Variants in ALPL observed in about 807,000 individuals in gnomAD.
ALPL encodes the protein alkaline phosphatase, tissue-nonspecific isozyme.
Under a neutral mutation model 51.3 loss-of-function variants are expected in ALPL, and 42 were observed. The observed-to-expected ratio is 0.82, with a 90% CI of 0.64 to 1.06. ALPL has a LOEUF of 1.06. Among genes scored for constraint, ALPL ranks in the 50% least tolerant of loss-of-function variants. The pLI is 0.00. For missense variants in ALPL, 589 were observed against 709.4 expected (o/e 0.83, Z 1.93); for synonymous variants, 279 against 296.4 (o/e 0.94, Z 0.60).
chr1:21,517,700 C>T (rs745801378), intron 1 of ALPL, among the ~76,000 whole-genome samples: 1 of 152,102 alleles, frequency 6.6e-6, no homozygotes, highest in Non-Finnish European at 1.5e-5. Flanking sequence ...TCGCCAAGTC[C>T]CTTTCCCTCT....
chr1:21,570,992 T>C (rs1304970744), intron 8 of ALPL, among the ~76,000 whole-genome samples: 2 of 152,348 alleles, frequency 1.3e-5, no homozygotes, highest in South Asian at 2.1e-4. Flanking sequence ...CTGGGTGTCA[T>C]TAGAGGTTAT....
chr1:21,575,696 T>C, intron 9 of ALPL, 37 bp from the exon 10 acceptor site: 2 of 1,612,440 alleles, frequency 1.2e-6, no homozygotes, highest in Non-Finnish European at 1.7e-6. Context: ...CTTCCTCCCC[T>C]CCTCCCTCAC....
At chr1:21,554,885 CTTTT>C (rs1231219269) in intron 2 of ALPL, among the ~76,000 whole-genome samples, 2 of 133,190 alleles carry the variant, frequency 1.5e-5, no homozygotes, top group African/African-American at 2.8e-5. Context: ...CTCTTTCTTT[CTTTT>C]TCTTTCTTTC....
intron 10 of ALPL, 132 bp downstream of exon 10, chr1:21,576,056 G>A: frequency 8.8e-7 from 1 of 1,138,002 alleles, no homozygotes; most frequent in Middle Eastern, 2.3e-4. Context: ...GGGAGGAAGA[G>A]TTACTGGGGA....
chr1:21,575,066 G>A (rs924183903), intron 9 of ALPL, among the ~76,000 whole-genome samples: 1 of 152,218 alleles, frequency 6.6e-6, no homozygotes, highest in Admixed American at 6.5e-5. Context: ...GGCTGCGAGG[G>A]TTCAGGCTTC....
Position 21,577,731 on chromosome 1 carries a change from T to C in ALPL, c.*83T>C. Reference sequence around the variant, plus strand: ...GCCCCCCCCTCAAGGGGCAGGGAGGTGGGGGCCTCCTCAGCCTCTGCAACT... The same window carrying C: ...GCCCCCCCCTCAAGGGGCAGGGAGGCGGGGGCCTCCTCAGCCTCTGCAACT... On this transcript the variant is annotated 3_prime_UTR_variant, in exon 12 of 12. Coordinates refer to ENST00000374840, the MANE Select transcript of ALPL (RefSeq NM_000478.6). 1 of 1,513,048 alleles carries C rather than the reference T, an allele frequency of 6.6e-7. No homozygotes were observed. The highest frequency in any genetic ancestry group is 2.0e-5 in the Admixed American group (1 of 50,530). The allele number at this position is 1,513,048 out of a possible 1,614,324, so 93.7% of individuals were successfully genotyped here.
intron 7 of ALPL, among the ~76,000 whole-genome samples, chr1:21,569,145 G>A (rs1234333250): frequency 2.0e-5 from 3 of 152,220 alleles, no homozygotes; most frequent in East Asian, 1.9e-4. Context: ...GTGGGGGTGT[G>A]GAACTGAGTG....
At position 21,554,801 on chromosome 1, in the gene ALPL, CTGTCTGT is replaced by C. The variant is rs1257492938; in HGVS notation, c.61+660_61+666del. 7.6e-4 allele frequency among the ~76,000 whole-genome samples: 23 copies of C among 30,200 alleles called. 1 individual carries two copies. The East Asian group carries it at 0.013, about 17-fold the overall frequency. The allele number at this position is 30,200 out of a possible 152,430, so 19.8% of individuals were successfully genotyped here. ...CACCGCGCCTGGCCTGTCTGTCTGT[CTGTCTGT>C]CTGTCTGTCTTTCTTTCTTTCTTTC... On this transcript the variant is annotated intron_variant, in intron 2 of 11. Coordinates refer to ENST00000374840, the MANE Select transcript of ALPL (RefSeq NM_000478.6).
intron 1 of ALPL, among the ~76,000 whole-genome samples, chr1:21,523,945 G>C (rs1558528560): frequency 6.6e-6 from 1 of 150,928 alleles, no homozygotes; most frequent in Non-Finnish European, 1.5e-5. Flanking sequence ...ATAATAGCAA[G>C]AGTTGTCATT....
At chr1:21,526,045 C>T (rs757245486) in intron 1 of ALPL, among the ~76,000 whole-genome samples, 22 of 152,206 alleles carry the variant, frequency 1.4e-4, no homozygotes, top group South Asian at 6.2e-4. Context: ...GACTCCCCCA[C>T]AGAGCCCTAG....
chr1:21,571,633 C>T (rs891445598), intron 8 of ALPL, among the ~76,000 whole-genome samples: 11 of 146,910 alleles, frequency 7.5e-5, no homozygotes, highest in Non-Finnish European at 1.0e-4. Flanking sequence ...GATCGCACCA[C>T]TGCACTCCAG....
chr1:21,545,364 C>T (rs534661554), intron 1 of ALPL, among the ~76,000 whole-genome samples: 3 of 152,216 alleles, frequency 2.0e-5, no homozygotes, highest in Non-Finnish European at 4.4e-5. Context: ...AATCTCAGCT[C>T]ACTACAACCT....
chr1:21,577,488 A>T lies in ALPL; in HGVS notation c.1415A>T (p.His472Leu). ...AAGGGCCCCATGGCGCACCTGCTGC[A>T]CGGCGTCCACGAGCAGAACTACGTC... ...FSKGPMAHLLHGVHEQNYVPH... is the reference protein window; with the variant it reads ...FSKGPMAHLLLGVHEQNYVPH... Residue 472 changes from histidine (H) to leucine (L), a missense_variant, in exon 12 of 12, where the codon CAC becomes CTC. By Grantham distance (99) the His-to-Leu change is moderately conservative. Coordinates refer to ENST00000374840, the MANE Select transcript of ALPL (RefSeq NM_000478.6). 1 of 1,609,520 alleles carries T rather than the reference A, an allele frequency of 6.2e-7. No homozygotes were observed. The highest frequency in any genetic ancestry group is 2.2e-5 in the East Asian group (1 of 44,868).
intron 1 of ALPL, among the ~76,000 whole-genome samples, chr1:21,543,118 C>T (rs185947575): frequency 0.014 from 2,071 of 152,080 alleles, 31 homozygotes; most frequent in Non-Finnish European, 0.019. Flanking sequence ...CCAGCCTGGG[C>T]GACAGAGTAA....
chr1:21,573,986 T>G, intron 9 of ALPL, 187 bp downstream of exon 9: 3 of 985,422 alleles, frequency 3.0e-6, no homozygotes, highest in Non-Finnish European at 3.6e-6. Context: ...GCTGCTCTCC[T>G]TTGGGCATGG....
At position 21,577,424 on chromosome 1, in the gene ALPL, C is replaced by A; in HGVS notation, c.1351C>A (p.His451Asn). The change falls in exon 12 of 12, where the codon CAC becomes AAC. Residue 451 changes from histidine to asparagine, a missense_variant. Physicochemically the swap from His to Asn is moderately conservative, Grantham distance 68. Transcript: ENST00000374840. ...GGCGCAGTCTGCTGTGCCCCTGCGC[C>A]ACGAGACCCACGGCGGGGAGGACGT... ...YQAQSAVPLRHETHGGEDVAV... is the reference protein window; with the variant it reads ...YQAQSAVPLRNETHGGEDVAV... 1 of 1,613,146 alleles carries A rather than the reference C, an allele frequency of 6.2e-7. No homozygotes were observed.
chr1:21,522,284 C>T (rs1485596987), intron 1 of ALPL, among the ~76,000 whole-genome samples: 1 of 152,142 alleles, frequency 6.6e-6, no homozygotes, highest in African/African-American at 2.4e-5. Flanking sequence ...CCATGTTAGC[C>T]AGGATGGTCT....
chr1:21,539,656 C>CT (rs71016920), intron 1 of ALPL, among the ~76,000 whole-genome samples: 16,979 of 133,586 alleles, frequency 0.13, 1,267 homozygotes, highest in Non-Finnish European at 0.18. Context: ...TTTCTTTTTC[C>CT]TTTTTTTTTT....
chr1:21,524,245 GC>G (rs1437055784), intron 1 of ALPL, among the ~76,000 whole-genome samples: 2 of 152,008 alleles, frequency 1.3e-5, no homozygotes, highest in Non-Finnish European at 2.9e-5. Context: ...CTCATGATCT[GC>G]CCGCCTCAGC....
Sources: allele counts gnomAD v4.1 joint callset (sites outside exome capture counted in the v4.1 genomes callset), GRCh38; gene constraint gnomAD v4.1.1; transcripts MANE v1.5; gene names NCBI Gene and HGNC (gene_info 2026-07-23, HGNC 2026-07-21).